Variants in ITGB3 observed in about 807,000 individuals in gnomAD.
The protein encoded by ITGB3 is integrin beta-3.
A neutral mutation model predicts 85.8 loss-of-function variants in ITGB3; 48 were observed. The observed-to-expected ratio is 0.56, with a 90% confidence interval of 0.44 to 0.71. The LOEUF (loss-of-function observed/expected upper bound fraction) is 0.71. Ranked by LOEUF, ITGB3 falls within the 30% of genes least tolerant of loss-of-function variation. ITGB3 has a pLI of 0.00. For synonymous variants in ITGB3, 363 were observed against 395.6 expected (o/e 0.92, Z 0.98); for missense variants, 861 against 1,019.1 (o/e 0.84, Z 2.11).
At chr17:47,298,431 A>G (rs2065153945) in intron 10 of ITGB3, among the ~76,000 whole-genome samples, 2 of 151,988 alleles carry the variant, frequency 1.3e-5, no homozygotes, top group Admixed American at 6.5e-5. Context: ...GGCCAACTCC[A>G]TGGGTTCTCA....
At chr17:47,296,042 G>GCCTCTTGCCATGTCCTGTTTCCCTC in intron 10 of ITGB3, among the ~76,000 whole-genome samples, 1 of 152,192 alleles carries the variant, frequency 6.6e-6, no homozygotes, top group African/African-American at 2.4e-5. Flanking sequence ...TGCCAGCTCT[G>GCCTCTTGCCATGTCCTGTTTCCCTC]CCTCTTGCCA....
chr17:47,254,604 A>G (rs1238947702), intron 1 of ITGB3, among the ~76,000 whole-genome samples: 1 of 152,006 alleles, frequency 6.6e-6, no homozygotes, highest in African/African-American at 2.4e-5. Context: ...CAGACCCTGC[A>G]CCCGAAAAAT....
intron 13 of ITGB3, among the ~76,000 whole-genome samples, chr17:47,304,472 C>A (rs2065179679): frequency 6.6e-6 from 1 of 152,262 alleles, no homozygotes; most frequent in Admixed American, 6.5e-5. Context: ...GCTCTTATCA[C>A]TCCCAGATGG....
chr17:47,287,004 T>G lies in ITGB3; in HGVS notation c.778-66T>G. The stretch of plus-strand genomic sequence containing the variant: ...CAGGGAGCACCTTGGGTCTCTGTTC[T>G]CTACCAGTGACATGGCTGAATTTGT... On this transcript the variant is annotated intron_variant, in intron 5 of 14. Coordinates refer to ENST00000559488, the MANE Select transcript of ITGB3 (RefSeq NM_000212.3). 2.6e-6 allele frequency: 4 copies of G among 1,556,480 alleles called. 1 individual carries two copies. The highest frequency in any genetic ancestry group is 2.2e-5 in the South Asian group (2 of 89,644).
intron 6 of ITGB3, among the ~76,000 whole-genome samples, chr17:47,288,242 A>AGAGAGAGAGAGAGAGAG (rs1567765432): frequency 3.1e-5 from 2 of 64,838 alleles, no homozygotes; most frequent in Non-Finnish European, 3.6e-5. Flanking sequence ...GAGAGAGAGA[A>AGAGAGAGAGAGAGAGAG]AGAGGGGAAA....
intron 8 of ITGB3, 62 bp downstream of exon 8, chr17:47,290,336 G>A: frequency 7.1e-7 from 1 of 1,399,552 alleles, no homozygotes; most frequent in South Asian, 1.2e-5. Context: ...TTACACAGCA[G>A]GGCTCAGATT....
Position 47,292,260 on chromosome 17 carries a change from G to A in ITGB3, c.1382G>A (p.Cys461Tyr). Residue 461 changes from cysteine to tyrosine, a missense_variant, in exon 10 of 15, where the codon TGT becomes TAT. Physicochemically the swap from Cys to Tyr is radical, Grantham distance 194 (BLOSUM62 -2). Coordinates refer to ENST00000559488, the MANE Select transcript of ITGB3 (RefSeq NM_000212.3). Reference sequence around the variant, plus strand: ...GTCCAGGTCACCTTTGATTGTGACTGTGCCTGCCAGGCCCAAGCTGAACCT... The same window carrying A: ...GTCCAGGTCACCTTTGATTGTGACTATGCCTGCCAGGCCCAAGCTGAACCT... ...LIVQVTFDCD[C>Y]ACQAQAEPNS... The A allele has an allele frequency of 6.2e-7, 1 of 1,614,216 alleles. No homozygotes were observed.
intron 11 of ITGB3, 132 bp from the exon 12 acceptor site, chr17:47,300,346 C>CAT (rs1555573423): frequency 1.3e-5 from 8 of 619,834 alleles, no homozygotes; most frequent in East Asian, 6.3e-5. Context: ...CGCGCGCGCG[C>CAT]GTGTGTGTGT....
intron 1 of ITGB3, among the ~76,000 whole-genome samples, chr17:47,273,618 A>T (rs1375045111): frequency 6.6e-6 from 1 of 152,220 alleles, no homozygotes; most frequent in African/African-American, 2.4e-5. Context: ...CTTATAGTGT[A>T]CCAAGTGCTT....
At chr17:47,266,666 C>T (rs2065026881) in intron 1 of ITGB3, among the ~76,000 whole-genome samples, 1 of 152,176 alleles carries the variant, frequency 6.6e-6, no homozygotes, top group African/African-American at 2.4e-5. Context: ...CAGCCTCAAC[C>T]TCCCAGGTCC....
At chr17:47,270,584 G>C (rs1207868707) in intron 1 of ITGB3, among the ~76,000 whole-genome samples, 1 of 152,208 alleles carries the variant, frequency 6.6e-6, no homozygotes, top group African/African-American at 2.4e-5. Context: ...ATGGCTCAGG[G>C]CTGCCCCATC....
At chr17:47,283,748 A>G (rs181021436) in intron 3 of ITGB3, among the ~76,000 whole-genome samples, 199 bp downstream of exon 3, 1 of 152,308 alleles carries the variant, frequency 6.6e-6, no homozygotes, top group Admixed American at 6.5e-5. Flanking sequence ...TCTGAGGTGA[A>G]TCTTTACTGT....
At chr17:47,285,274 A>G (rs903091705) in intron 4 of ITGB3, among the ~76,000 whole-genome samples, 8 of 152,328 alleles carry the variant, frequency 5.3e-5, no homozygotes, top group African/African-American at 1.4e-4. Context: ...ATAACTTACA[A>G]TGCTGGTTGC....
intron 10 of ITGB3, among the ~76,000 whole-genome samples, chr17:47,298,119 A>T (rs1567768253): frequency 1.3e-5 from 2 of 152,110 alleles, no homozygotes; most frequent in Admixed American, 6.5e-5. Context: ...GTAACTTTAA[A>T]TAATTAATTA....
Position 47,290,990 on chromosome 17 carries a change from C to T in ITGB3, c.1162C>T (p.Leu388Phe), listed in dbSNP as rs1318066750. Reference sequence around the variant, plus strand: ...TAAAGTAGAGCTGGAAGTGCGTGACCTCCCTGAAGAGTTGTCTCTATCCTT... The same window carrying T: ...TAAAGTAGAGCTGGAAGTGCGTGACTTCCCTGAAGAGTTGTCTCTATCCTT... Reference protein sequence around the residue: ...RSKVELEVRDLPEELSLSFNA... With the variant: ...RSKVELEVRDFPEELSLSFNA... Residue 388 changes from leucine to phenylalanine, a missense_variant, in exon 9 of 15, where the codon CTC (leucine) becomes TTC (phenylalanine). Physicochemically the swap from Leu to Phe is conservative, Grantham distance 22 (BLOSUM62 0). Coordinates refer to ENST00000559488, the MANE Select transcript of ITGB3 (RefSeq NM_000212.3). The T allele has an allele frequency of 6.2e-7, 1 of 1,614,044 alleles. No individual in the cohort carries two copies. The highest frequency in any genetic ancestry group is 8.5e-7 in the Non-Finnish European group (1 of 1,179,940).
intron 1 of ITGB3, among the ~76,000 whole-genome samples, chr17:47,274,092 A>G (rs1340379898): frequency 1.3e-5 from 2 of 152,206 alleles, no homozygotes; most frequent in African/African-American, 4.8e-5. Flanking sequence ...TCATTTGCAC[A>G]ATGTAGGTGT....
chr17:47,269,802 A>G (rs2065038001), intron 1 of ITGB3, among the ~76,000 whole-genome samples: 1 of 152,152 alleles, frequency 6.6e-6, no homozygotes, highest in South Asian at 2.1e-4. Flanking sequence ...TGGTATCCTT[A>G]TAGCAGCACT....
chr17:47,255,029 A>T (rs1425991230), intron 1 of ITGB3, among the ~76,000 whole-genome samples: 1 of 151,990 alleles, frequency 6.6e-6, no homozygotes, highest in Non-Finnish European at 1.5e-5. Flanking sequence ...CCCAGGCTGG[A>T]GTGCAGTGGT....
At chr17:47,301,906 A>G (rs1454163702) in intron 12 of ITGB3, among the ~76,000 whole-genome samples, 1 of 152,148 alleles carries the variant, frequency 6.6e-6, no homozygotes, top group African/African-American at 2.4e-5. Context: ...CTGTATTATA[A>G]TACCACTGGT....
Sources: allele counts gnomAD v4.1 joint callset (sites outside exome capture counted in the v4.1 genomes callset), GRCh38; gene constraint gnomAD v4.1.1; transcripts MANE v1.5; gene names NCBI Gene and HGNC (gene_info 2026-07-23, HGNC 2026-07-21).